Variants in PPP1R1C observed in about 807,000 individuals in gnomAD.
PPP1R1C encodes the protein protein phosphatase 1 regulatory inhibitor subunit 1C, also known as protein phosphatase 1 regulatory subunit 1C.
In PPP1R1C, 15 loss-of-function variants were observed where a neutral mutation model predicts 17.4. The observed-to-expected ratio is 0.86, with a 90% CI of 0.58 to 1.33. PPP1R1C has a LOEUF of 1.33. PPP1R1C is among the 40% of genes most tolerant of loss of function. The pLI is 0.00. For missense variants in PPP1R1C, 143 were observed against 130.0 expected, an observed-to-expected ratio of 1.10 and a Z score of -0.48; for synonymous variants, 35 against 43.1, an observed-to-expected ratio of 0.81 and a Z score of 0.73.
intron 4 of PPP1R1C, among the ~76,000 whole-genome samples, chr2:182,067,536 G>T (rs1688020459): frequency 6.6e-6 from 1 of 152,072 alleles, no homozygotes; most frequent in Non-Finnish European, 1.5e-5. Context: ...AGGGAAAACT[G>T]CTGATCATGG....
chr2:182,068,558 C>A (rs1019439803), intron 4 of PPP1R1C, among the ~76,000 whole-genome samples: 1 of 152,262 alleles, frequency 6.6e-6, no homozygotes, highest in Non-Finnish European at 1.5e-5. Flanking sequence ...AGCCTCAGGT[C>A]GGCGTGTGAA....
rs762704714 is a variant in PPP1R1C at position 181,976,703 on chromosome 2, G to T, written n.157+1439G>T. 3.3e-5 allele frequency among the ~76,000 whole-genome samples: 5 copies of T among 152,068 alleles called. No individual in the cohort carries two copies. ...TTTCCCCTCTGGCTACCTCCTTGCA[G>T]CCCAGGACATATTCAAGTCTGGTTC... On this transcript the variant is annotated intron_variant and non_coding_transcript_variant, in intron 2 of 5. Transcript: ENST00000464264. This position sits in a 1 kb window ranked among gnomAD's most constrained non-coding sequence, Gnocchi z 4.8.
intron 4 of PPP1R1C, among the ~76,000 whole-genome samples, chr2:182,086,226 T>C (rs1027404596): frequency 6.6e-6 from 1 of 152,118 alleles, no homozygotes; most frequent in South Asian, 2.1e-4. Context: ...TAAGCTGTCA[T>C]AAGCTAACAC....
At chr2:182,126,474 C>T (rs1007572224) in intron 5 of PPP1R1C, among the ~76,000 whole-genome samples, 4 of 151,888 alleles carry the variant, frequency 2.6e-5, no homozygotes, top group African/African-American at 9.7e-5. Context: ...TTTATAACAT[C>T]ATAACATTTT....
intron 2 of PPP1R1C, among the ~76,000 whole-genome samples, chr2:182,049,167 T>C (rs1431455129): frequency 1.3e-5 from 2 of 151,940 alleles, no homozygotes; most frequent in Non-Finnish European, 2.9e-5. Context: ...ACCCCATCTC[T>C]ACTAATACAA....
chr2:182,007,396 T>C (rs1685953830), intron 2 of PPP1R1C, among the ~76,000 whole-genome samples: 1 of 152,234 alleles, frequency 6.6e-6, no homozygotes. Flanking sequence ...ATTCTACATT[T>C]AAATTATATT....
At chr2:182,058,273 C>A (rs13397924) in intron 2 of PPP1R1C, among the ~76,000 whole-genome samples, 1 of 152,068 alleles carries the variant, frequency 6.6e-6, no homozygotes, top group East Asian at 1.9e-4. Context: ...TACTAGTCAG[C>A]AATCTTGTAC....
chr2:182,044,997 A>G (rs1158126725), intron 2 of PPP1R1C, among the ~76,000 whole-genome samples: 2 of 152,168 alleles, frequency 1.3e-5, no homozygotes, highest in Non-Finnish European at 1.5e-5. Flanking sequence ...ATATATGTAT[A>G]TTCTGTTTTC....
intron 2 of PPP1R1C, among the ~76,000 whole-genome samples, chr2:181,979,234 G>A (rs1202311128): frequency 6.6e-6 from 1 of 152,106 alleles, no homozygotes; most frequent in Non-Finnish European, 1.5e-5. Context: ...ACCATTTAGT[G>A]AGTGATATGA....
chr2:182,115,622 T>C (rs1425410189), intron 4 of PPP1R1C, among the ~76,000 whole-genome samples: 1 of 152,172 alleles, frequency 6.6e-6, no homozygotes, highest in Non-Finnish European at 1.5e-5. Context: ...TATGATAATG[T>C]GAAGTGAATT....
At chr2:182,047,067 A>T (rs1687369548) in intron 2 of PPP1R1C, among the ~76,000 whole-genome samples, 1 of 152,202 alleles carries the variant, frequency 6.6e-6, no homozygotes, top group African/African-American at 2.4e-5. Context: ...AACCATCTTT[A>T]AAGTGAATGC....
intron 2 of PPP1R1C, among the ~76,000 whole-genome samples, chr2:182,019,609 AC>A (rs1241213657): frequency 6.6e-6 from 1 of 152,168 alleles, no homozygotes; most frequent in East Asian, 1.9e-4. Flanking sequence ...TTCAGTTTTT[AC>A]TTATAGCTCT....
intron 2 of PPP1R1C, among the ~76,000 whole-genome samples, chr2:182,048,314 A>G (rs1687404404): frequency 6.6e-6 from 1 of 152,208 alleles, no homozygotes; most frequent in Non-Finnish European, 1.5e-5. Flanking sequence ...TGAAGCCCCA[A>G]ATGATAGGCC....
intron 2 of PPP1R1C, among the ~76,000 whole-genome samples, chr2:182,041,181 T>C (rs1202975781): frequency 1.3e-5 from 2 of 152,230 alleles, no homozygotes; most frequent in African/African-American, 2.4e-5. Context: ...TTTCTAATTC[T>C]GTGAAAAATG....
intron 4 of PPP1R1C, chr2:182,103,711 T>A (rs1559094289): frequency 6.6e-6 from 1 of 152,138 alleles, no homozygotes; most frequent in Non-Finnish European, 1.5e-5. Flanking sequence ...AAACTGCATG[T>A]CCTCAGGTCA....
At chr2:182,072,369 A>T (rs971718852) in intron 4 of PPP1R1C, among the ~76,000 whole-genome samples, 4 of 152,240 alleles carry the variant, frequency 2.6e-5, no homozygotes, top group Non-Finnish European at 5.9e-5. Flanking sequence ...TACTTAAATC[A>T]AAGATTTTAA....
At chr2:182,126,973 AG>A (rs1429615309) in intron 5 of PPP1R1C, among the ~76,000 whole-genome samples, 32 of 152,210 alleles carry the variant, frequency 2.1e-4, no homozygotes, top group African/African-American at 7.0e-4. Context: ...ATGACTTAAC[AG>A]GGTTTTCCCT....
At chr2:182,051,819 T>C (rs1687526932) in intron 2 of PPP1R1C, among the ~76,000 whole-genome samples, 1 of 152,144 alleles carries the variant, frequency 6.6e-6, no homozygotes. Context: ...TTAGTGGAGA[T>C]TGAGAGTTAA....
chr2:182,116,520 C>T lies in PPP1R1C; in HGVS notation c.242-687C>T, dbSNP rs140540103. Among the ~76,000 whole-genome samples the T allele has an allele frequency of 2.2e-4, 33 of 152,176 alleles. No individual in the cohort carries two copies. The East Asian group carries it at 4.8e-3, about 22-fold the overall frequency. ...AACAGAACAAGAAAAGTATGAAAGC[C>T]TGAGGGAGCCTGGAGTAGCCCGGGG... On this transcript the variant is annotated intron_variant, in intron 4 of 4. Transcript: ENST00000682840.
Sources: gnomAD v4.1 joint callset for allele counts (sites outside exome capture counted in the v4.1 genomes callset) on GRCh38, gnomAD v4.1.1 for gene constraint, Gnocchi (gnomAD v3.1) non-coding constraint, MANE v1.5 for transcripts, NCBI Gene and HGNC (gene_info 2026-07-23, HGNC 2026-07-21) for gene names.